LRP1B: variants seen among roughly 807,000 people sequenced by gnomAD.
LRP1B encodes low-density lipoprotein receptor-related protein 1B.
A neutral mutation model predicts 556.6 loss-of-function variants in LRP1B; 217 were observed. The ratio of observed to expected loss-of-function variants is 0.39; its 90% CI spans 0.35 to 0.44. The LOEUF is 0.44. Among genes scored for constraint, LRP1B ranks in the 20% least tolerant of loss-of-function variants. LRP1B has a pLI of 1.00. For synonymous variants in LRP1B, 2,047 were observed against 1,865.8 expected, an observed-to-expected ratio of 1.10 and a Z score of -2.50; for missense variants, 5,053 against 5,620.8, an observed-to-expected ratio of 0.90 and a Z score of 3.23.
intron 17 of LRP1B, among the ~76,000 whole-genome samples, chr2:140,984,775 A>G (rs1359153071): frequency 6.6e-6 from 1 of 152,130 alleles, no homozygotes; most frequent in Non-Finnish European, 1.5e-5. Context: ...CTGAAGATAT[A>G]TGAATTCATT....
chr2:141,980,225 G>T (rs1293624230), intron 1 of LRP1B, among the ~76,000 whole-genome samples: 1 of 151,998 alleles, frequency 6.6e-6, no homozygotes, highest in Non-Finnish European at 1.5e-5. Context: ...TGGTAAATCT[G>T]TCCTTGGCAC....
intron 1 of LRP1B, among the ~76,000 whole-genome samples, chr2:142,074,357 A>G (rs1405498622): frequency 1.3e-5 from 2 of 151,616 alleles, no homozygotes; most frequent in African/African-American, 4.8e-5. Flanking sequence ...GCTTCTCTCC[A>G]CTAACTTCCT....
intron 3 of LRP1B, among the ~76,000 whole-genome samples, chr2:141,457,156 G>T (rs981810678): frequency 1.3e-5 from 2 of 152,148 alleles, no homozygotes; most frequent in Non-Finnish European, 2.9e-5. Context: ...AGTAGTTAAG[G>T]GTTAAGAATA....
At chr2:140,875,975 C>T (rs768979831) in intron 25 of LRP1B, among the ~76,000 whole-genome samples, 26 of 152,052 alleles carry the variant, frequency 1.7e-4, no homozygotes, top group Admixed American at 3.3e-4. Flanking sequence ...TTGTCTTCCA[C>T]GGACAGTTAT....
chr2:141,180,531 GT>G (rs1208993248), intron 7 of LRP1B, among the ~76,000 whole-genome samples: 1 of 151,874 alleles, frequency 6.6e-6, no homozygotes, highest in Non-Finnish European at 1.5e-5. Flanking sequence ...TACCCAAGTG[GT>G]TTGGAAATGT....
chr2:140,572,741 A>C (rs930577278), intron 43 of LRP1B, among the ~76,000 whole-genome samples: 2 of 151,538 alleles, frequency 1.3e-5, no homozygotes. Context: ...GTTCATCAGC[A>C]GGGCAATAGA....
chr2:140,907,032 G>T (rs74909353), intron 22 of LRP1B, among the ~76,000 whole-genome samples: 19,742 of 150,402 alleles, frequency 0.13, 2,022 homozygotes, highest in East Asian at 0.31. Flanking sequence ...CTCATTTGAG[G>T]TCAAAATATA....
At chr2:140,525,742 T>A (rs745563978) in intron 49 of LRP1B, 102 bp downstream of exon 49, 54 of 1,023,746 alleles carry the variant, frequency 5.3e-5, no homozygotes, top group Non-Finnish European at 7.2e-5. Context: ...TTAATGTCAA[T>A]AATTGATATT....
chr2:140,554,637 A>G (rs542004304), intron 43 of LRP1B, among the ~76,000 whole-genome samples: 113 of 152,188 alleles, frequency 7.4e-4, no homozygotes, highest in South Asian at 4.8e-3. Flanking sequence ...AGGATATTAC[A>G]AGAGCTTTTA....
chr2:141,229,549 C>G, intron 5 of LRP1B, 109 bp from the exon 6 acceptor site: 5 of 832,868 alleles, frequency 6.0e-6, no homozygotes, highest in Non-Finnish European at 9.2e-6. Flanking sequence ...AAATTCATAA[C>G]AAAAATTTTC....
rs116641322 is a variant in LRP1B, at chr2:141,203,611, C to T, written c.851-15028G>A. ...GGGGAGGACTTTAACACCCCACTGT[C>T]AATGTTAGATTGAGACAGAAAATTA... On this transcript the variant is annotated intron_variant, in intron 6 of 90. Transcript: ENST00000389484. Among the ~76,000 whole-genome samples the T allele has an allele frequency of 5.4e-3, 827 of 152,116 alleles. 11 individuals carry two copies. The highest frequency in any genetic ancestry group is 0.019 in the African/African-American group (779 of 41,484).
chr2:140,327,595 A>C (rs182877933), intron 79 of LRP1B, among the ~76,000 whole-genome samples: 8 of 152,214 alleles, frequency 5.3e-5, no homozygotes, highest in African/African-American at 1.9e-4. Flanking sequence ...AACATAAAAC[A>C]TGATTCTCTC....
At chr2:142,111,849 G>T (rs1329997270) in intron 1 of LRP1B, among the ~76,000 whole-genome samples, 2 of 151,958 alleles carry the variant, frequency 1.3e-5, no homozygotes, top group South Asian at 4.2e-4. Flanking sequence ...CAAAAAACAG[G>T]TATTATCTCA....
chr2:141,863,334 G>C (rs758988037), intron 1 of LRP1B, among the ~76,000 whole-genome samples: 1 of 152,016 alleles, frequency 6.6e-6, no homozygotes, highest in African/African-American at 2.4e-5. Context: ...TTGTGGTGGC[G>C]AACCAATAAT....
At chr2:141,127,943 C>T (rs865803926) in intron 7 of LRP1B, among the ~76,000 whole-genome samples, 4 of 152,132 alleles carry the variant, frequency 2.6e-5, no homozygotes, top group Non-Finnish European at 4.4e-5. Flanking sequence ...CTACCAGATA[C>T]AATAAGATAT....
chr2:140,404,818 A>G (rs1254284395), intron 66 of LRP1B, among the ~76,000 whole-genome samples: 1 of 152,150 alleles, frequency 6.6e-6, no homozygotes, highest in East Asian at 1.9e-4. Context: ...AACAAATACT[A>G]AAAATGAGAA....
Position 140,766,831 on chromosome 2 carries a change from ATATATATATATAT to A in LRP1B, c.5758+2369_5758+2381del, listed in dbSNP as rs1190596793. ...CAGGGCATCTTTGTAAAATATATATATATATATATATATTATATATATATATATATATATAATA... is the reference window on the plus strand; with the variant it reads ...CAGGGCATCTTTGTAAAATATATATATATATATATATATATATATATAATA... On this transcript the variant is annotated intron_variant, in intron 35 of 90. Coordinates refer to ENST00000389484, the MANE Select transcript of LRP1B (RefSeq NM_018557.3). Among the ~76,000 whole-genome samples, 42 of 22,774 alleles carry A rather than the reference ATATATATATATAT, an allele frequency of 1.8e-3. 1 individual carries two copies. In the East Asian group the frequency reaches 0.08, roughly 43 times the overall value. 14.9% of individuals were successfully genotyped at this position (22,774 alleles called of 152,430 possible).
intron 1 of LRP1B, among the ~76,000 whole-genome samples, chr2:142,013,388 C>T (rs1384192154): frequency 2.6e-5 from 4 of 152,132 alleles, no homozygotes; most frequent in African/African-American, 9.7e-5. Context: ...AACAGGTTGG[C>T]ACTTTCTTTA....
intron 2 of LRP1B, among the ~76,000 whole-genome samples, chr2:141,618,337 A>G (rs2105332180): frequency 6.6e-6 from 1 of 152,308 alleles, no homozygotes. Context: ...TAACTAATGA[A>G]AGTTCTATTT....
Sources: gnomAD v4.1 joint callset for allele counts (sites outside exome capture counted in the v4.1 genomes callset) on GRCh38, gnomAD v4.1.1 for gene constraint, MANE v1.5 for transcripts, NCBI Gene and HGNC (gene_info 2026-07-23, HGNC 2026-07-21) for gene names.